LRRC4C: variants seen among roughly 807,000 people sequenced by gnomAD.
LRRC4C encodes leucine-rich repeat-containing protein 4C.
A neutral mutation model predicts 33.6 loss-of-function variants in LRRC4C; 5 were observed. The ratio of observed to expected loss-of-function variants is 0.15; its 90% confidence interval spans 0.08 to 0.31. The LOEUF is 0.31. LRRC4C is among the 10% of genes least tolerant of loss of function. The pLI is 1.00. For missense variants in LRRC4C, 560 were observed against 796.7 expected (o/e 0.70, Z 3.58); for synonymous variants, 329 against 302.0 (o/e 1.09, Z -0.93).
In LRRC4C at chr11:40,933,655, G is replaced by A. The variant is rs891476819; in HGVS notation, c.-427C>T. 3.9e-5 allele frequency: 6 copies of A among 152,166 alleles called. No homozygotes were observed. The highest frequency in any genetic ancestry group is 7.3e-5 in the Non-Finnish European group (5 of 68,042). The allele number at this position is 152,166 out of a possible 1,614,324, so 9.4% of individuals were successfully genotyped here. A position where few individuals can be genotyped will look rare whatever the true frequency, so the allele number is the denominator to read the frequency against. ...CTCACCTACATTCAGTGTATTAGAT[G>A]ATGTTCCAGCTTATTTGGCCCCTCT... On this transcript the variant is annotated 5_prime_UTR_variant, in exon 2 of 7. Transcript: ENST00000528697.
At chr11:40,345,577 A>T (rs1035173757) in intron 3 of LRRC4C, among the ~76,000 whole-genome samples, 4 of 152,184 alleles carry the variant, frequency 2.6e-5, no homozygotes, top group African/African-American at 9.6e-5. Flanking sequence ...TAAATGTAAT[A>T]CCTACAACTA....
In LRRC4C at chr11:40,596,730, G is replaced by A. The variant is rs564923592; in HGVS notation, c.-270+51412C>T. Among the ~76,000 whole-genome samples the A allele has an allele frequency of 3.1e-3, 466 of 152,066 alleles. 6 individuals are homozygous for A. The highest frequency in any genetic ancestry group is 0.011 in the African/African-American group (444 of 41,478). On this transcript the variant is annotated intron_variant, in intron 3 of 6. Transcript: ENST00000528697. ...TGTGAAATTTGTCCTTCCCTGCCTGGTTTATTTCACTTGACATAATGTCCT... is the reference window on the plus strand; with the variant it reads ...TGTGAAATTTGTCCTTCCCTGCCTGATTTATTTCACTTGACATAATGTCCT...
chr11:41,457,128 G>C (rs1261871757), intron 1 of LRRC4C, among the ~76,000 whole-genome samples: 4 of 152,120 alleles, frequency 2.6e-5, no homozygotes, highest in Non-Finnish European at 5.9e-5. Context: ...TTTTGAGGTA[G>C]TATTGAGAAT....
intron 2 of LRRC4C, among the ~76,000 whole-genome samples, chr11:40,766,098 A>G (rs1949439989): frequency 6.8e-6 from 1 of 147,492 alleles, no homozygotes; most frequent in South Asian, 2.1e-4. Flanking sequence ...AAAAAAAAAC[A>G]TACAAAGGAG....
chr11:40,716,023 C>T (rs1486067427), intron 2 of LRRC4C, among the ~76,000 whole-genome samples: 5 of 147,368 alleles, frequency 3.4e-5, no homozygotes, highest in Admixed American at 6.9e-5. Context: ...TGACAGAGCA[C>T]GACTGTGTCT....
chr11:40,845,674 A>G (rs1389997912), intron 2 of LRRC4C, among the ~76,000 whole-genome samples: 1 of 152,212 alleles, frequency 6.6e-6, no homozygotes, highest in Non-Finnish European at 1.5e-5. Flanking sequence ...AGGATGATTT[A>G]TAATCCTTTG....
intron 1 of LRRC4C, among the ~76,000 whole-genome samples, chr11:41,445,411 C>G (rs935117448): frequency 3.3e-5 from 5 of 152,174 alleles, no homozygotes; most frequent in African/African-American, 4.8e-5. Context: ...AATGCCCCCC[C>G]ACCCACGTGA....
At chr11:41,156,023 G>T (rs1944216197) in intron 1 of LRRC4C, among the ~76,000 whole-genome samples, 1 of 152,100 alleles carries the variant, frequency 6.6e-6, no homozygotes, top group Admixed American at 6.6e-5. Context: ...TTTGTGAACA[G>T]ATTTTTCTGT....
intron 2 of LRRC4C, among the ~76,000 whole-genome samples, chr11:40,795,401 G>A (rs1591742355): frequency 6.6e-6 from 1 of 152,200 alleles, no homozygotes. Context: ...GTGGTGGCGG[G>A]TGCCTGTAGT....
At chr11:41,065,482 T>G (rs1334847485) in intron 1 of LRRC4C, among the ~76,000 whole-genome samples, 2 of 152,140 alleles carry the variant, frequency 1.3e-5, no homozygotes, top group African/African-American at 4.8e-5. Flanking sequence ...TTCAGTGAAC[T>G]TAATCTTTCC....
chr11:40,376,487 G>A (rs1488514208), intron 3 of LRRC4C, among the ~76,000 whole-genome samples: 1 of 152,156 alleles, frequency 6.6e-6, no homozygotes, highest in Non-Finnish European at 1.5e-5. Flanking sequence ...AACTACAGGA[G>A]TTTAAAGACA....
chr11:41,025,078 T>C (rs961124413), intron 1 of LRRC4C, among the ~76,000 whole-genome samples: 1 of 151,562 alleles, frequency 6.6e-6, no homozygotes, highest in African/African-American at 2.4e-5. Flanking sequence ...GCTGTTCCCT[T>C]GTCTTTCTCC....
At position 40,444,335 on chromosome 11, in the gene LRRC4C, T is replaced by A. The variant is rs540076119; in HGVS notation, c.-269-124614A>T. ...CCTTAACATTTTTTTTAATTTATTT[T>A]ATTTATTTTATTTTTTATTTTTCTT... On this transcript the variant is annotated intron_variant, in intron 3 of 6. Coordinates refer to ENST00000528697, the MANE Select transcript of LRRC4C (RefSeq NM_001258419.2). Among the ~76,000 whole-genome samples the A allele has an allele frequency of 8.9e-4, 134 of 150,666 alleles. 1 individual carries two copies. The highest frequency in any genetic ancestry group is 3.3e-3 in the East Asian group (17 of 5,180).
chr11:41,296,926 C>T (rs2197641), intron 1 of LRRC4C, among the ~76,000 whole-genome samples: 3 of 152,234 alleles, frequency 2.0e-5, no homozygotes, highest in East Asian at 3.9e-4. Context: ...AAGCTGCATA[C>T]AAGCAGTGAG....
At chr11:41,319,367 T>C (rs1363874080) in intron 1 of LRRC4C, among the ~76,000 whole-genome samples, 1 of 152,188 alleles carries the variant, frequency 6.6e-6, no homozygotes, top group Non-Finnish European at 1.5e-5. Flanking sequence ...AATATCCACA[T>C]CTGTTACATG....
At chr11:40,865,916 G>C (rs898591092) in intron 2 of LRRC4C, among the ~76,000 whole-genome samples, 1 of 151,320 alleles carries the variant, frequency 6.6e-6, no homozygotes, top group Non-Finnish European at 1.5e-5. Flanking sequence ...TGAAAACTAT[G>C]TTCAATATGA....
At chr11:40,474,922 G>A (rs529124700) in intron 3 of LRRC4C, among the ~76,000 whole-genome samples, 9 of 152,288 alleles carry the variant, frequency 5.9e-5, no homozygotes, top group Admixed American at 1.3e-4. Context: ...ATGCCAGTTA[G>A]AATGGCAATC....
intron 3 of LRRC4C, among the ~76,000 whole-genome samples, chr11:40,553,823 G>A (rs570546859): frequency 3.4e-4 from 52 of 152,204 alleles, no homozygotes; most frequent in African/African-American, 1.1e-3. Flanking sequence ...TAAGTTCCTC[G>A]TAGATTCTAG....
At chr11:40,437,566 G>A (rs1434962731) in intron 3 of LRRC4C, among the ~76,000 whole-genome samples, 1 of 151,752 alleles carries the variant, frequency 6.6e-6, no homozygotes, top group East Asian at 1.9e-4. Context: ...GCTAATTTTT[G>A]TATTTTTAGT....
Sources: allele counts gnomAD v4.1 joint callset (sites outside exome capture counted in the v4.1 genomes callset), GRCh38; gene constraint gnomAD v4.1.1; transcripts MANE v1.5; gene names NCBI Gene and HGNC (gene_info 2026-07-23, HGNC 2026-07-21).